The following KLRG2 variants were observed in gnomAD, a reference collection of about 807,000 sequenced individuals.
KLRG2 encodes the protein killer cell lectin-like receptor subfamily G member 2.
KLRG2 carries 39 observed loss-of-function variants against 35.4 expected under a neutral mutation model. The ratio of observed to expected loss-of-function variants is 1.10; its 90% CI spans 0.85 to 1.44. The LOEUF is 1.44. KLRG2 is among the 40% of genes most tolerant of loss of function. The pLI, the probability that KLRG2 is intolerant of heterozygous loss-of-function variation, is 0.00. For missense variants in KLRG2, 632 were observed against 570.9 expected (o/e 1.11, Z -1.09); for synonymous variants, 283 against 265.8 (o/e 1.06, Z -0.63).
intron 3 of KLRG2, among the ~76,000 whole-genome samples, chr7:139,473,459 C>G (rs1000901641): frequency 1.3e-5 from 2 of 152,122 alleles, no homozygotes; most frequent in Non-Finnish European, 2.9e-5. Context: ...TCTAAAAAAG[C>G]TCAGCCTCAC....
chr7:139,448,456 C>T (rs941587514), downstream of KLRG2, among the ~76,000 whole-genome samples: 4 of 152,210 alleles, frequency 2.6e-5, no homozygotes, highest in African/African-American at 9.7e-5. Flanking sequence ...ATATACTGCA[C>T]TGAATACTGT....
rs1287439269 is a variant in KLRG2, at chr7:139,483,141, C to T, written c.502G>A (p.Ala168Thr). Residue 168 changes from alanine to threonine, a missense_variant, in exon 1 of 5, where the codon GCG becomes ACG. Ala to Thr is a moderately conservative substitution (Grantham distance 58, BLOSUM62 0). Coordinates refer to ENST00000340940, the MANE Select transcript of KLRG2 (RefSeq NM_198508.4). ...SPAFSRHADP[A>T]HQLLLRAPSQ... ...GGTGCGCGCAGCAGGAGCTGGTGCG[C>T]CGGGTCCGCGTGGCGGGAGAAGGCA... 1.3e-6 allele frequency: 2 copies of T among 1,487,554 alleles called. No homozygotes were observed. The highest frequency in any genetic ancestry group is 4.6e-5 in the Admixed American group (2 of 43,758). 92.1% of individuals were successfully genotyped at this position (1,487,554 alleles called of 1,614,324 possible).
chr7:139,455,895 G>A (rs1325414371), intron 3 of KLRG2, among the ~76,000 whole-genome samples: 1 of 152,114 alleles, frequency 6.6e-6, no homozygotes, highest in East Asian at 1.9e-4. Flanking sequence ...CAAACGCTCA[G>A]CAATCAAGAA....
chr7:139,436,237 G>A, the KLRG2 span, among the ~76,000 whole-genome samples: 8 of 152,122 alleles, frequency 5.3e-5, no homozygotes, highest in East Asian at 3.9e-4. Flanking sequence ...CTCTACCTGC[G>A]CATTTTTTTC....
At chr7:139,476,378 CA>C (rs1796850267) in intron 3 of KLRG2, among the ~76,000 whole-genome samples, 1 of 151,940 alleles carries the variant, frequency 6.6e-6, no homozygotes, top group Non-Finnish European at 1.5e-5. Flanking sequence ...GCCTGGTGAG[CA>C]ACAGGTCCAG....
At chr7:139,433,625 C>CTT in the KLRG2 span, among the ~76,000 whole-genome samples, 248 of 118,986 alleles carry the variant, frequency 2.1e-3, 2 homozygotes, top group African/African-American at 7.5e-3. Context: ...TGCGCCCGGC[C>CTT]TTTTTTTTTT....
chr7:139,462,209 C>T (rs1796580751), intron 3 of KLRG2, among the ~76,000 whole-genome samples: 1 of 152,200 alleles, frequency 6.6e-6, no homozygotes, highest in Non-Finnish European at 1.5e-5. Flanking sequence ...TTTAATCACG[C>T]AGGGATGCCT....
At chr7:139,443,292 G>A in the KLRG2 span, among the ~76,000 whole-genome samples, 464 of 151,878 alleles carry the variant, frequency 3.1e-3, 15 homozygotes, top group East Asian at 0.081. Context: ...CACCATGTCC[G>A]CCAGGCTGGT....
intron 3 of KLRG2, among the ~76,000 whole-genome samples, chr7:139,454,490 T>C (rs1018331013): frequency 1.3e-5 from 2 of 151,964 alleles, no homozygotes; most frequent in African/African-American, 2.4e-5. Flanking sequence ...TCAGTGGGCA[T>C]TGAGTGGGCA....
the KLRG2 span, among the ~76,000 whole-genome samples, chr7:139,434,169 C>G: frequency 6.6e-6 from 1 of 152,212 alleles, no homozygotes; most frequent in African/African-American, 2.4e-5. Flanking sequence ...CCGTGAGAAT[C>G]ACTAAAGTGT....
chr7:139,473,459 C>T (rs1000901641), intron 3 of KLRG2, among the ~76,000 whole-genome samples: 4 of 152,122 alleles, frequency 2.6e-5, no homozygotes, highest in African/African-American at 7.2e-5. Flanking sequence ...TCTAAAAAAG[C>T]TCAGCCTCAC....
At chr7:139,444,530 A>G in the KLRG2 span, among the ~76,000 whole-genome samples, 1 of 152,234 alleles carries the variant, frequency 6.6e-6, no homozygotes, top group East Asian at 1.9e-4. Context: ...ACCTTATAAG[A>G]GACACTAAAG....
intron 3 of KLRG2, among the ~76,000 whole-genome samples, chr7:139,470,063 CT>C (rs558355010): frequency 3.6e-3 from 518 of 143,146 alleles, no homozygotes; most frequent in Admixed American, 3.6e-3. Context: ...GTAAGCAATT[CT>C]TTTTTTTTTT....
At chr7:139,478,247 T>C (rs1796888795) in intron 3 of KLRG2, among the ~76,000 whole-genome samples, 1 of 151,640 alleles carries the variant, frequency 6.6e-6, no homozygotes, top group East Asian at 1.9e-4. Context: ...ATGACTGTAG[T>C]CCTTGCTATT....
At chr7:139,479,176 A>T (rs1463970195) in intron 3 of KLRG2, among the ~76,000 whole-genome samples, 1 of 152,172 alleles carries the variant, frequency 6.6e-6, no homozygotes, top group Non-Finnish European at 1.5e-5. Flanking sequence ...TCTGCCTCCC[A>T]GGTTCAAGCA....
At chr7:139,480,439 CT>C (rs892455272) in intron 1 of KLRG2, among the ~76,000 whole-genome samples, 192 bp from the exon 2 acceptor site, 1,051 of 85,224 alleles carry the variant, frequency 0.012, no homozygotes, top group African/African-American at 0.03. Context: ...GCCAGATATT[CT>C]TTTTTTTTTT....
At chr7:139,446,491 AG>A in the KLRG2 span, among the ~76,000 whole-genome samples, 1 of 151,864 alleles carries the variant, frequency 6.6e-6, no homozygotes, top group Non-Finnish European at 1.5e-5. Context: ...CAGGGATTAC[AG>A]GTGACTGCCA....
chr7:139,474,871 C>T (rs1796822626), intron 3 of KLRG2, among the ~76,000 whole-genome samples: 1 of 152,178 alleles, frequency 6.6e-6, no homozygotes, highest in Non-Finnish European at 1.5e-5. Flanking sequence ...TGCTGTGGTG[C>T]TCCAGGCCTC....
chr7:139,446,932 G>T, the KLRG2 span, among the ~76,000 whole-genome samples: 2 of 151,988 alleles, frequency 1.3e-5, no homozygotes, highest in Admixed American at 1.3e-4. Context: ...TAGGAAAAAA[G>T]GATTTTTTAA....
Sources: gnomAD v4.1 joint callset for allele counts (sites outside exome capture counted in the v4.1 genomes callset) on GRCh38, gnomAD v4.1.1 for gene constraint, MANE v1.5 for transcripts, NCBI Gene and HGNC (gene_info 2026-07-23, HGNC 2026-07-21) for gene names.